Variants in TLCD4 observed in about 807,000 individuals in gnomAD.
TLCD4 encodes TLC domain containing 4, also known as TLC domain-containing protein 4.
TLCD4 carries 7 observed loss-of-function variants against 24.2 expected under a neutral mutation model. That is an observed-to-expected ratio of 0.29 (90% confidence interval 0.16 to 0.54). TLCD4 has a LOEUF of 0.54. TLCD4 is among the 20% of genes least tolerant of loss of function. The pLI is 0.95. For missense variants in TLCD4, 259 were observed against 313.9 expected, an observed-to-expected ratio of 0.82 and a Z score of 1.32; for synonymous variants, 103 against 106.4, an observed-to-expected ratio of 0.97 and a Z score of 0.20.
At chr1:95,176,274 C>T (rs982441861) in intron 6 of TLCD4, among the ~76,000 whole-genome samples, 19 of 151,892 alleles carry the variant, frequency 1.3e-4, no homozygotes, top group Non-Finnish European at 2.5e-4. Context: ...TCACTGCAAC[C>T]TCTACCTCCT....
At chr1:95,167,935 T>A (rs1678077134) in intron 5 of TLCD4, among the ~76,000 whole-genome samples, 1 of 152,166 alleles carries the variant, frequency 6.6e-6, no homozygotes, top group South Asian at 2.1e-4. Context: ...CTGGACCCAC[T>A]TTCTCTCGTA....
At chr1:95,152,249 A>C (rs1467721992) in intron 5 of TLCD4, among the ~76,000 whole-genome samples, 1 of 152,068 alleles carries the variant, frequency 6.6e-6, no homozygotes, top group Admixed American at 6.6e-5. Flanking sequence ...TACAGTAGTT[A>C]CTCATTGACT....
Position 95,196,170 on chromosome 1 carries a change from CTG to C in TLCD4, c.*4304_*4305del, listed in dbSNP as rs1679198789. 6.6e-6 allele frequency: 1 copy of C among 152,174 alleles called. No homozygotes were observed. Among genetic ancestry groups the C allele is most frequent in the Admixed American group, 6.5e-5 (1 of 15,278 alleles). The allele number at this position is 152,174 out of a possible 1,614,324, so 9.4% of individuals were successfully genotyped here. Reference sequence around the variant, plus strand: ...GGTTTTATTAAGAGATCTGTCATCTCTGTTTTTCTTAAACTGGTTTAACAGTC... The same window carrying C: ...GGTTTTATTAAGAGATCTGTCATCTCTTTTTCTTAAACTGGTTTAACAGTC... On this transcript the variant is annotated 3_prime_UTR_variant, in exon 7 of 7. Transcript: ENST00000370203.
chr1:95,159,172 G>A (rs1297880747), intron 5 of TLCD4, among the ~76,000 whole-genome samples: 1 of 152,162 alleles, frequency 6.6e-6, no homozygotes, highest in Non-Finnish European at 1.5e-5. Flanking sequence ...AGCACCTGTT[G>A]TTTCCTGACT....
At chr1:95,103,805 A>G in the TLCD4 span, among the ~76,000 whole-genome samples, 1 of 152,234 alleles carries the variant, frequency 6.6e-6, no homozygotes, top group Non-Finnish European at 1.5e-5. Context: ...AATTGTTTTC[A>G]AAGTTTCCCA....
chr1:95,120,284 A>G (rs2100898631), intron 1 of TLCD4: 2 of 152,336 alleles, frequency 1.3e-5, no homozygotes, highest in Middle Eastern at 3.4e-3. Context: ...TTACATTAGG[A>G]AAGTAAGGCT....
chr1:95,133,918 A>G (rs1171415411), intron 1 of TLCD4, among the ~76,000 whole-genome samples: 1 of 151,734 alleles, frequency 6.6e-6, no homozygotes, highest in Non-Finnish European at 1.5e-5. Flanking sequence ...TTTGGGTGTT[A>G]GAGTGCTGTG....
chr1:95,166,936 T>C (rs148315340), intron 5 of TLCD4, among the ~76,000 whole-genome samples: 8 of 152,212 alleles, frequency 5.3e-5, no homozygotes, highest in African/African-American at 1.9e-4. Context: ...GGTCTTACTA[T>C]GTTGACCAGG....
At position 95,193,990 on chromosome 1, in the gene TLCD4, A is replaced by G. The variant is rs1048286511; in HGVS notation, c.*2122A>G. 5 of 152,104 alleles carry G rather than the reference A, an allele frequency of 3.3e-5. No individual in the cohort carries two copies. Among genetic ancestry groups the G allele is most frequent in the East Asian group, 1.9e-4 (1 of 5,194 alleles). 9.4% of individuals were successfully genotyped at this position (152,104 alleles called of 1,614,324 possible). A position where few individuals can be genotyped will look rare whatever the true frequency, so the allele number is the denominator to read the frequency against. On this transcript the variant is annotated 3_prime_UTR_variant, in exon 7 of 7. Coordinates refer to ENST00000370203, the MANE Select transcript of TLCD4 (RefSeq NM_152487.3). ...ATATTTTTTGACTCTGGATATTTCTATAGTTCTGAACACAGATTTTAAACC... is the reference window on the plus strand; with the variant it reads ...ATATTTTTTGACTCTGGATATTTCTGTAGTTCTGAACACAGATTTTAAACC...
intron 6 of TLCD4, among the ~76,000 whole-genome samples, chr1:95,184,356 T>C (rs1025801466): frequency 6.6e-6 from 1 of 152,162 alleles, no homozygotes; most frequent in Non-Finnish European, 1.5e-5. Flanking sequence ...TTCTCACTTT[T>C]TTTTTTTCTG....
intron 5 of TLCD4, chr1:95,163,882 AC>A (rs1220593695): frequency 6.6e-6 from 1 of 152,342 alleles, no homozygotes; most frequent in Non-Finnish European, 1.5e-5. Context: ...TCAGAGGGGC[AC>A]CCAGCCATAT....
chr1:95,138,935 C>G (rs1231592857), intron 1 of TLCD4, among the ~76,000 whole-genome samples: 1 of 151,084 alleles, frequency 6.6e-6, no homozygotes, highest in Non-Finnish European at 1.5e-5. Context: ...TACCTGTAAT[C>G]CCAGTGGTTT....
chr1:95,165,466 TG>T (rs59782850), intron 5 of TLCD4, among the ~76,000 whole-genome samples: 42,656 of 141,748 alleles, frequency 0.3, 7,570 homozygotes, highest in East Asian at 0.6. Context: ...TGTGTGTGTG[TG>T]TTTTTTTTTT....
chr1:95,100,324 C>T, the TLCD4 span, among the ~76,000 whole-genome samples: 5 of 152,064 alleles, frequency 3.3e-5, no homozygotes, highest in African/African-American at 7.2e-5. Flanking sequence ...CCTGTAATCC[C>T]AGCACTTTGG....
chr1:95,150,576 A>C (rs1000285317), intron 4 of TLCD4, among the ~76,000 whole-genome samples: 1 of 152,060 alleles, frequency 6.6e-6, no homozygotes, highest in Non-Finnish European at 1.5e-5. Context: ...GAAACTAACG[A>C]AATTTAACTT....
At chr1:95,109,591 G>A in the TLCD4 span, among the ~76,000 whole-genome samples, 2 of 151,438 alleles carry the variant, frequency 1.3e-5, no homozygotes, top group Admixed American at 1.3e-4. Context: ...GGGTTCAAGG[G>A]ATTCTCCCAC....
intron 6 of TLCD4, among the ~76,000 whole-genome samples, chr1:95,189,273 T>C (rs557317555): frequency 6.6e-6 from 1 of 152,312 alleles, no homozygotes; most frequent in Admixed American, 6.5e-5. Flanking sequence ...ATAGTCTCCA[T>C]CTTTGAAGTC....
chr1:95,104,775 C>T, the TLCD4 span, among the ~76,000 whole-genome samples: 1 of 151,764 alleles, frequency 6.6e-6, no homozygotes, highest in African/African-American at 2.4e-5. Context: ...CACCAGAAAT[C>T]CCAGCACTTT....
At chr1:95,190,555 C>T (rs960973062) in intron 6 of TLCD4, among the ~76,000 whole-genome samples, 1 of 152,056 alleles carries the variant, frequency 6.6e-6, no homozygotes, top group Non-Finnish European at 1.5e-5. Context: ...TCTTGAACTC[C>T]TGACCTGATG....
Sources: allele counts gnomAD v4.1 joint callset (sites outside exome capture counted in the v4.1 genomes callset), GRCh38; gene constraint gnomAD v4.1.1; transcripts MANE v1.5; gene names NCBI Gene and HGNC (gene_info 2026-07-23, HGNC 2026-07-21).